MAGI1: variants seen among roughly 807,000 people sequenced by gnomAD.
MAGI1 encodes the protein membrane associated guanylate kinase, WW and PDZ domain containing 1.
A neutral mutation model predicts 139.9 loss-of-function variants in MAGI1; 58 were observed. That is an observed-to-expected ratio of 0.41 (90% CI 0.34 to 0.52). The LOEUF (loss-of-function observed/expected upper bound fraction) is 0.52. Ranked by LOEUF, MAGI1 falls within the 20% of genes least tolerant of loss-of-function variation. MAGI1 has a pLI of 0.12. For missense variants in MAGI1, 1,874 were observed against 1,901.6 expected, an observed-to-expected ratio of 0.99 and a Z score of 0.27; for synonymous variants, 812 against 737.9, an observed-to-expected ratio of 1.10 and a Z score of -1.63.
intron 1 of MAGI1, among the ~76,000 whole-genome samples, chr3:65,705,827 G>A (rs969585068): frequency 1.3e-5 from 2 of 152,132 alleles, no homozygotes; most frequent in African/African-American, 4.8e-5. Context: ...TATAGGTTTG[G>A]GGCTAATCCT....
chr3:65,439,837 T>C (rs200380662), intron 9 of MAGI1, 42 bp downstream of exon 9: 1 of 1,605,178 alleles, frequency 6.2e-7, no homozygotes, highest in South Asian at 1.1e-5. Flanking sequence ...TTTCACCCCA[T>C]GCTCCCCTGA....
At position 66,007,350 on chromosome 3, in the gene MAGI1, G is replaced by A. The variant is rs1339396794; in HGVS notation, c.313+30646C>T. Among the ~76,000 whole-genome samples, 7 of 152,258 alleles carry A rather than the reference G, an allele frequency of 4.6e-5. No homozygotes were observed. In the East Asian group the frequency reaches 1.4e-3, roughly 29 times the overall value. On this transcript the variant is annotated intron_variant, in intron 1 of 22. Coordinates refer to ENST00000402939, the MANE Select transcript of MAGI1 (RefSeq NM_001033057.2). Reference sequence around the variant, plus strand: ...TGTCTCTTTTCCTATATCATTAACAGGTAAGAATCAAGTTGTAAACAGAAG... The same window carrying A: ...TGTCTCTTTTCCTATATCATTAACAAGTAAGAATCAAGTTGTAAACAGAAG...
At chr3:65,788,611 C>A (rs1373201230) in intron 1 of MAGI1, among the ~76,000 whole-genome samples, 3 of 152,200 alleles carry the variant, frequency 2.0e-5, no homozygotes, top group Non-Finnish European at 4.4e-5. Flanking sequence ...CCCTCTGTGG[C>A]AATAAAATCA....
At position 65,786,940 on chromosome 3, in the gene MAGI1, C is replaced by G. The variant is rs1577115619; in HGVS notation, c.314-164852G>C. 2.0e-5 allele frequency among the ~76,000 whole-genome samples: 3 copies of G among 152,226 alleles called. No homozygotes were observed. The South Asian group carries it at 6.2e-4, about 32-fold the overall frequency. On this transcript the variant is annotated intron_variant, in intron 1 of 22. Coordinates refer to ENST00000402939, the MANE Select transcript of MAGI1 (RefSeq NM_001033057.2). ...CCAAGAATCTTTTAATGCTGACCAA[C>G]ACATCTCTCTCATTGTGTTACCTTT... is the stretch of plus-strand genomic sequence containing the variant.
chr3:65,552,045 A>T (rs1051323680), intron 2 of MAGI1, among the ~76,000 whole-genome samples: 1 of 152,184 alleles, frequency 6.6e-6, no homozygotes, highest in African/African-American at 2.4e-5. Flanking sequence ...AGTGAAAGTG[A>T]TTTTCAATTT....
rs1231315251 is a variant in MAGI1 at position 66,038,180 on chromosome 3, G to A, written c.129C>T (p.Tyr43=). The change falls in exon 1 of 23, where the codon TAC becomes TAT. Residue 43 remains tyrosine (Y), a synonymous_variant. Coordinates refer to ENST00000402939, the MANE Select transcript of MAGI1 (RefSeq NM_001033057.2). ...CCTCGACCGCCGCCACCGCTCCGAC[G>A]TACGGAAACTCCCCGTGCTCCGCGC... ...LGGAEHGEFP[Y]VGAVAAVEAA... is the part of the protein sequence containing the mutation. 8.1e-6 allele frequency: 13 copies of A among 1,612,150 alleles called. No individual in the cohort carries two copies. Among genetic ancestry groups the A allele is most frequent in the East Asian group, 2.2e-5 (1 of 44,826 alleles).
At chr3:65,920,847 G>A (rs939851762) in intron 1 of MAGI1, among the ~76,000 whole-genome samples, 2 of 152,086 alleles carry the variant, frequency 1.3e-5, no homozygotes, top group African/African-American at 4.8e-5. Context: ...TGACCAACAT[G>A]GTGAAACTCC....
chr3:65,461,109 T>A (rs892846248), intron 5 of MAGI1, among the ~76,000 whole-genome samples: 1 of 152,196 alleles, frequency 6.6e-6, no homozygotes, highest in Non-Finnish European at 1.5e-5. Context: ...TTGTATATCC[T>A]GGAGGAATTG....
intron 17 of MAGI1, among the ~76,000 whole-genome samples, chr3:65,378,258 T>C (rs974767352): frequency 6.6e-5 from 10 of 152,256 alleles, no homozygotes; most frequent in Non-Finnish European, 1.5e-5. Context: ...GAGTGAATCC[T>C]TCTGAGAAAG....
rs1429265761 is a variant in MAGI1 at position 65,876,745 on chromosome 3, C to CTTTT, written c.313+161247_313+161250dup. Among the ~76,000 whole-genome samples, 3 of 133,838 alleles carry CTTTT rather than the reference C, an allele frequency of 2.2e-5. No homozygotes were observed. The Admixed American group carries it at 2.3e-4, about 10-fold the overall frequency. 87.8% of individuals were successfully genotyped at this position (133,838 alleles called of 152,430 possible). On this transcript the variant is annotated intron_variant, in intron 1 of 22. Coordinates refer to ENST00000402939, the MANE Select transcript of MAGI1 (RefSeq NM_001033057.2). ...CTTAAGATTATCTGCATGTATCATG[C>CTTTT]TTTTTTTTTTTTTTTTGAGACAGAG...
intron 2 of MAGI1, among the ~76,000 whole-genome samples, chr3:65,601,209 TG>T (rs1300635947): frequency 1.3e-5 from 2 of 152,236 alleles, no homozygotes; most frequent in Non-Finnish European, 2.9e-5. Flanking sequence ...ATAGCTCTGT[TG>T]GATATAATAA....
chr3:65,731,500 A>C (rs1037335937), intron 1 of MAGI1, among the ~76,000 whole-genome samples: 3 of 151,072 alleles, frequency 2.0e-5, no homozygotes, highest in Non-Finnish European at 4.4e-5. Context: ...AAAAAAAAAA[A>C]AAAAATTAGC....
chr3:65,560,786 GAC>G (rs1170119664), intron 2 of MAGI1, among the ~76,000 whole-genome samples: 2 of 152,164 alleles, frequency 1.3e-5, no homozygotes, highest in Non-Finnish European at 2.9e-5. Flanking sequence ...AACAACAAAA[GAC>G]ATGTGGCAAA....
chr3:65,705,182 T>G (rs557102413), intron 1 of MAGI1, among the ~76,000 whole-genome samples: 1 of 152,266 alleles, frequency 6.6e-6, no homozygotes, highest in African/African-American at 2.4e-5. Flanking sequence ...AAAAAAAAAT[T>G]TCTAAGCTTA....
chr3:65,886,595 C>A (rs2060540215), intron 1 of MAGI1, among the ~76,000 whole-genome samples: 1 of 152,158 alleles, frequency 6.6e-6, no homozygotes, highest in African/African-American at 2.4e-5. Context: ...CAAGCCGTGT[C>A]TGTGAAGAGA....
chr3:65,761,179 C>A (rs943935905), intron 1 of MAGI1, among the ~76,000 whole-genome samples: 2 of 152,114 alleles, frequency 1.3e-5, no homozygotes, highest in Admixed American at 6.6e-5. Context: ...ATTTCCAGAG[C>A]GCCCTGGGAT....
intron 1 of MAGI1, among the ~76,000 whole-genome samples, chr3:65,666,465 T>TA (rs1245776837): frequency 3.9e-4 from 60 of 152,282 alleles, no homozygotes; most frequent in Non-Finnish European, 7.4e-5. Context: ...GCTTTGAGAC[T>TA]AAAAAATTCC....
intron 6 of MAGI1, among the ~76,000 whole-genome samples, chr3:65,452,391 C>T (rs1484904995): frequency 6.6e-6 from 1 of 152,112 alleles, no homozygotes; most frequent in Admixed American, 6.6e-5. Context: ...TAATAAAGTT[C>T]TGTTATCTTA....
intron 5 of MAGI1, among the ~76,000 whole-genome samples, chr3:65,463,249 A>C (rs1057077682): frequency 6.6e-6 from 1 of 152,162 alleles, no homozygotes; most frequent in South Asian, 2.1e-4. Context: ...TGTCATAAAT[A>C]GCTCTTCTCA....
Sources: allele counts gnomAD v4.1 joint callset (sites outside exome capture counted in the v4.1 genomes callset), GRCh38; gene constraint gnomAD v4.1.1; transcripts MANE v1.5; gene names NCBI Gene and HGNC (gene_info 2026-07-23, HGNC 2026-07-21).